Variants in APP observed in about 807,000 individuals in gnomAD.
The protein encoded by APP is amyloid-beta precursor protein.
In APP, 31 loss-of-function variants were observed where a neutral mutation model predicts 101.4. The ratio of observed to expected loss-of-function variants is 0.31; its 90% CI spans 0.23 to 0.41. The LOEUF (loss-of-function observed/expected upper bound fraction) is 0.41, where lower values mean the gene tolerates loss of function less well. APP is among the 10% of genes least tolerant of loss of function. The pLI is 1.00. For synonymous variants in APP, 366 were observed against 364.4 expected, an observed-to-expected ratio of 1.00 and a Z score of -0.05; for missense variants, 839 against 1,003.7, an observed-to-expected ratio of 0.84 and a Z score of 2.22.
rs200910966 is a variant in APP at position 25,905,006 on chromosome 21, G to A, written c.1963+18C>T. On this transcript the variant is annotated intron_variant, in intron 15 of 17. Coordinates refer to ENST00000346798, the MANE Select transcript of APP (RefSeq NM_000484.4). ...AGGCCCAAGATGCGGAGAGGCACAAGTCAAGCGGTTCTGATACCTGGTCGA... is the reference window on the plus strand; with the variant it reads ...AGGCCCAAGATGCGGAGAGGCACAAATCAAGCGGTTCTGATACCTGGTCGA... The A allele has an allele frequency of 4.3e-6, 7 of 1,612,924 alleles. No homozygotes were observed. The South Asian group carries it at 7.7e-5, about 18-fold the overall frequency.
At position 25,983,854 on chromosome 21, in the gene APP, G is replaced by GGGAA. The variant is rs142801277; in HGVS notation, c.1091-1381_1091-1378dup. Among the ~76,000 whole-genome samples, 44 of 152,250 alleles carry GGGAA rather than the reference G, an allele frequency of 2.9e-4. No homozygotes were observed. In the South Asian group the frequency reaches 5.0e-3, roughly 17 times the overall value. Reference sequence around the variant, plus strand: ...TTCCTTCTTACATTGGCAGCAACGGGGGAAGGAAGGAAGGAAGGAAAGAGT... The same window carrying GGGAA: ...TTCCTTCTTACATTGGCAGCAACGGGGGAAGGAAGGAAGGAAGGAAGGAAAGAGT... On this transcript the variant is annotated intron_variant, in intron 8 of 17. Coordinates refer to ENST00000346798, the MANE Select transcript of APP (RefSeq NM_000484.4).
chr21:25,898,230 GATTGTA>G (rs2038209474), intron 15 of APP, among the ~76,000 whole-genome samples: 1 of 152,196 alleles, frequency 6.6e-6, no homozygotes, highest in Non-Finnish European at 1.5e-5. Context: ...TAGTTACACA[GATTGTA>G]ATTGGTTCGT....
At chr21:25,892,272 A>C (rs454017) in intron 16 of APP, among the ~76,000 whole-genome samples, 122,557 of 151,872 alleles carry the variant, frequency 0.81, 49,582 homozygotes, top group African/African-American at 0.86. Flanking sequence ...AGGCACGATC[A>C]TACTAATGAA....
intron 1 of APP, among the ~76,000 whole-genome samples, chr21:26,163,115 C>T (rs935862406): frequency 1.3e-5 from 2 of 150,090 alleles, no homozygotes; most frequent in African/African-American, 4.9e-5. Context: ...GTGGCACATG[C>T]CTGTAAACCC....
intron 1 of APP, among the ~76,000 whole-genome samples, chr21:26,118,958 A>G (rs917893654): frequency 2.6e-5 from 4 of 152,204 alleles, no homozygotes; most frequent in Non-Finnish European, 5.9e-5. Flanking sequence ...CAATATTGCC[A>G]TATCTCATCA....
intron 2 of APP, among the ~76,000 whole-genome samples, chr21:26,098,975 T>C (rs968216012): frequency 1.3e-5 from 2 of 152,156 alleles, no homozygotes; most frequent in Non-Finnish European, 2.9e-5. Context: ...CCAGACTGAC[T>C]CAGGAACAAG....
In APP at chr21:26,060,602, T is replaced by C. The variant is rs147038738; in HGVS notation, c.356-7254A>G. 2.5e-3 allele frequency among the ~76,000 whole-genome samples: 375 copies of C among 152,250 alleles called. 3 individuals carry two copies. Among genetic ancestry groups the C allele is most frequent in the African/African-American group, 8.8e-3 (366 of 41,536 alleles). On this transcript the variant is annotated intron_variant, in intron 3 of 17. Transcript: ENST00000346798. ...CTGTTGGATGGTAATAAATGTTACA[T>C]AGATAAAGCAGAGAAAGGGGTGGTT... is the stretch of plus-strand genomic sequence containing the variant.
intron 9 of APP, among the ~76,000 whole-genome samples, chr21:25,979,105 C>T (rs746477773): frequency 1.3e-4 from 20 of 152,138 alleles, no homozygotes; most frequent in Non-Finnish European, 2.6e-4. Flanking sequence ...ATGCTAGTCA[C>T]GACATATAGC....
chr21:25,981,963 A>G lies in APP; in HGVS notation c.1224+381T>C, dbSNP rs45449702. Among the ~76,000 whole-genome samples the G allele has an allele frequency of 9.9e-4, 151 of 152,328 alleles. 4 individuals carry two copies. In the East Asian group the frequency reaches 0.024, roughly 24 times the overall value. ...TGTAAACAATCGTAGGTTCACAATTATAACAGTCTGGGATTTAATACAAAA... is the reference window on the plus strand; with the variant it reads ...TGTAAACAATCGTAGGTTCACAATTGTAACAGTCTGGGATTTAATACAAAA... On this transcript the variant is annotated intron_variant, in intron 9 of 17. Coordinates refer to ENST00000346798, the MANE Select transcript of APP (RefSeq NM_000484.4).
chr21:26,140,130 C>A (rs1404985395), intron 1 of APP: 1 of 1,476,780 alleles, frequency 6.8e-7, no homozygotes, highest in African/African-American at 1.4e-5. Flanking sequence ...AAAAACAATG[C>A]CAACTTCACA....
chr21:26,035,375 G>A (rs535136224), intron 5 of APP, among the ~76,000 whole-genome samples: 5 of 152,228 alleles, frequency 3.3e-5, no homozygotes, highest in African/African-American at 7.2e-5. Context: ...CTGTCAGCCC[G>A]GGGGTTAGCA....
chr21:25,929,816 GTATACAA>G (rs1454542410), intron 13 of APP, among the ~76,000 whole-genome samples: 1 of 152,166 alleles, frequency 6.6e-6, no homozygotes, highest in East Asian at 1.9e-4. Context: ...TCTGGTGCCT[GTATACAA>G]TCTAAAGGCA....
chr21:26,114,595 C>A (rs1280759512), intron 1 of APP, among the ~76,000 whole-genome samples: 1 of 152,186 alleles, frequency 6.6e-6, no homozygotes, highest in Non-Finnish European at 1.5e-5. Context: ...TGAGGGAGGT[C>A]ATCAGCTGCC....
chr21:25,997,503 A>C, intron 7 of APP, 87 bp from the exon 8 acceptor site: 1 of 1,185,956 alleles, frequency 8.4e-7, no homozygotes, highest in Non-Finnish European at 1.3e-6. Context: ...CTGACAAAAA[A>C]ACAACCTAAC....
intron 6 of APP, among the ~76,000 whole-genome samples, chr21:26,016,747 T>A (rs1262737814): frequency 2.0e-5 from 3 of 152,148 alleles, no homozygotes; most frequent in Non-Finnish European, 4.4e-5. Context: ...AATTTTTGTA[T>A]CTTTAGTACA....
intron 5 of APP, among the ~76,000 whole-genome samples, chr21:26,038,385 G>A (rs950400666): frequency 1.3e-5 from 2 of 152,166 alleles, no homozygotes; most frequent in Non-Finnish European, 2.9e-5. Flanking sequence ...TCAAACCAGA[G>A]GTGGGAGATG....
At chr21:25,952,481 G>C (rs2041132187) in intron 13 of APP, among the ~76,000 whole-genome samples, 2 of 151,830 alleles carry the variant, frequency 1.3e-5, no homozygotes, top group African/African-American at 4.8e-5. Flanking sequence ...CTATTCTTGG[G>C]CATTTCGTAA....
At chr21:26,111,918 A>T in intron 2 of APP, 61 bp downstream of exon 2, 1 of 1,593,866 alleles carries the variant, frequency 6.3e-7, no homozygotes, top group Non-Finnish European at 8.6e-7. Context: ...AAGAAGTTAA[A>T]TTTTTTGAAA....
intron 3 of APP, among the ~76,000 whole-genome samples, chr21:26,057,836 T>C (rs998756006): frequency 1.3e-5 from 2 of 152,220 alleles, no homozygotes; most frequent in African/African-American, 4.8e-5. Context: ...CCCATTTCCT[T>C]TGGCTTTTAC....
Sources: allele counts gnomAD v4.1 joint callset (sites outside exome capture counted in the v4.1 genomes callset), GRCh38; gene constraint gnomAD v4.1.1; transcripts MANE v1.5; gene names NCBI Gene and HGNC (gene_info 2026-07-23, HGNC 2026-07-21).